Variants in GLIPR1L1 observed in about 807,000 individuals in gnomAD.
The protein encoded by GLIPR1L1 is GLIPR1 like 1.
A neutral mutation model predicts 29.9 loss-of-function variants in GLIPR1L1; 26 were observed. That is an observed-to-expected ratio of 0.87 (90% CI 0.64 to 1.21). GLIPR1L1 has a LOEUF of 1.21. Ranked by LOEUF, GLIPR1L1 falls within the 50% of genes most tolerant of loss-of-function variation. GLIPR1L1 has a pLI of 0.00. For synonymous variants in GLIPR1L1, 77 were observed against 97.5 expected (o/e 0.79, Z 1.24); for missense variants, 305 against 290.3 (o/e 1.05, Z -0.37).
At chr12:75,362,975 G>A in intron 3 of GLIPR1L1, 127 bp from the exon 4 acceptor site, 1 of 515,780 alleles carries the variant, frequency 1.9e-6, no homozygotes, top group Non-Finnish European at 3.5e-6. Context: ...ATAAAATTGA[G>A]ACATTATTAT....
Position 75,363,175 on chromosome 12 carries a change from G to A in GLIPR1L1, c.595G>A (p.Val199Ile), listed in dbSNP as rs747063035. 2.6e-6 allele frequency: 4 copies of A among 1,523,754 alleles called. No homozygotes were observed. The highest frequency in any genetic ancestry group is 2.1e-4 in the Middle Eastern group (1 of 4,742). The allele number at this position is 1,523,754 out of a possible 1,614,324, so 94.4% of individuals were successfully genotyped here. A position where few individuals can be genotyped will look rare whatever the true frequency, so the allele number is the denominator to read the frequency against. The change falls in exon 4 of 6, where the codon GTA (valine) becomes ATA (isoleucine). Residue 199 changes from valine (V) to isoleucine (I), a missense_variant. Physicochemically the swap from Val to Ile is conservative, Grantham distance 29 (BLOSUM62 3). Coordinates refer to ENST00000378695, the MANE Select transcript of GLIPR1L1 (RefSeq NM_001304964.2). Reference protein sequence around the residue: ...CSLCSKEEKCVKNLCRTPQLI... With the variant: ...CSLCSKEEKCIKNLCRTPQLI... ...TCTCTGCTCAAAAGAAGAGAAATGT[G>A]TAAAGAACCTCTGCAGTAAGCAAAA... is the stretch of plus-strand genomic sequence containing the variant.
chr12:75,351,331 G>A (rs956099755), intron 3 of GLIPR1L1, among the ~76,000 whole-genome samples: 1 of 152,074 alleles, frequency 6.6e-6, no homozygotes, highest in African/African-American at 2.4e-5. Flanking sequence ...AGGAAATCCA[G>A]AGAACCCCCG....
chr12:75,354,167 G>GC (rs1491414500), intron 3 of GLIPR1L1, among the ~76,000 whole-genome samples: 2 of 46,294 alleles, frequency 4.3e-5, no homozygotes, highest in African/African-American at 1.3e-4. Context: ...AGAAAAAAAA[G>GC]GGGGGGGGGT....
intron 1 of GLIPR1L1, among the ~76,000 whole-genome samples, chr12:75,340,092 T>A (rs904886348): frequency 5.3e-5 from 8 of 151,700 alleles, no homozygotes; most frequent in African/African-American, 1.9e-4. Flanking sequence ...TGTTCCTTTT[T>A]ATGGCTGAGT....
chr12:75,363,226 G>A (rs572230012), intron 4 of GLIPR1L1, 36 bp downstream of exon 4: 2 of 965,364 alleles, frequency 2.1e-6, no homozygotes, highest in Non-Finnish European at 2.9e-6. Context: ...TACATTTAGA[G>A]AGTAAAGTTT....
chr12:75,367,943 T>C (rs1176134315), intron 4 of GLIPR1L1, among the ~76,000 whole-genome samples: 1 of 152,180 alleles, frequency 6.6e-6, no homozygotes, highest in East Asian at 1.9e-4. Flanking sequence ...TTGGTCCTCA[T>C]AGCCAGGTTA....
At chr12:75,342,999 A>G (rs2042218650) in intron 1 of GLIPR1L1, among the ~76,000 whole-genome samples, 1 of 151,926 alleles carries the variant, frequency 6.6e-6, no homozygotes, top group African/African-American at 2.4e-5. Context: ...CAACTTTGAT[A>G]ACTTCATTTA....
intron 3 of GLIPR1L1, among the ~76,000 whole-genome samples, chr12:75,355,277 T>C (rs1306146169): frequency 6.6e-6 from 1 of 151,840 alleles, no homozygotes; most frequent in Non-Finnish European, 1.5e-5. Context: ...TTAAGTAAAC[T>C]TACAAAACAA....
chr12:75,354,420 A>T (rs527341512), intron 3 of GLIPR1L1, among the ~76,000 whole-genome samples: 1 of 150,768 alleles, frequency 6.6e-6, no homozygotes, highest in Non-Finnish European at 1.5e-5. Context: ...GAATACAGCT[A>T]AAAAAAAAGT....
chr12:75,369,811 A>C, intron 4 of GLIPR1L1, 149 bp from the exon 5 acceptor site: 1 of 1,289,780 alleles, frequency 7.8e-7, no homozygotes, highest in Non-Finnish European at 9.8e-7. Context: ...TAAGTACTGT[A>C]GGATTGAGTA....
At chr12:75,351,015 G>A (rs2042773435) in intron 3 of GLIPR1L1, among the ~76,000 whole-genome samples, 1 of 152,158 alleles carries the variant, frequency 6.6e-6, no homozygotes, top group African/African-American at 2.4e-5. Context: ...TGAACTGATG[G>A]AGCTGTAAAA....
intron 3 of GLIPR1L1, among the ~76,000 whole-genome samples, chr12:75,351,340 C>T (rs1158505575): frequency 1.3e-5 from 2 of 152,062 alleles, no homozygotes; most frequent in Non-Finnish European, 2.9e-5. Context: ...AGAGAACCCC[C>T]GTAAGATACT....
chr12:75,368,462 C>G (rs754161516), intron 4 of GLIPR1L1, among the ~76,000 whole-genome samples: 13 of 151,678 alleles, frequency 8.6e-5, no homozygotes, highest in Admixed American at 1.3e-4. Context: ...CACAGCTACA[C>G]TGTAAAATTT....
chr12:75,341,453 C>A (rs1429243630), intron 1 of GLIPR1L1, among the ~76,000 whole-genome samples: 1 of 151,624 alleles, frequency 6.6e-6, no homozygotes, highest in African/African-American at 2.4e-5. Context: ...TTTTCTTTTT[C>A]TTTTTTTCTT....
intron 2 of GLIPR1L1, among the ~76,000 whole-genome samples, chr12:75,345,769 T>C (rs149707174): frequency 1.4e-3 from 220 of 152,300 alleles, no homozygotes; most frequent in African/African-American, 4.9e-3. Context: ...GGCTGAGTCA[T>C]AGCTTTTATA....
chr12:75,337,324 ATAT>A (rs2041804497), intron 1 of GLIPR1L1, among the ~76,000 whole-genome samples: 2 of 151,862 alleles, frequency 1.3e-5, no homozygotes, highest in Non-Finnish European at 3.0e-5. Flanking sequence ...TTAAAACTAT[ATAT>A]TAATAAAATT....
At chr12:75,366,087 A>G (rs1168522922) in intron 4 of GLIPR1L1, among the ~76,000 whole-genome samples, 1 of 152,294 alleles carries the variant, frequency 6.6e-6, no homozygotes, top group East Asian at 1.9e-4. Context: ...TTTATTTATT[A>G]AAGATTTTAT....
At chr12:75,353,015 T>C (rs989709415) in intron 3 of GLIPR1L1, among the ~76,000 whole-genome samples, 6 of 152,304 alleles carry the variant, frequency 3.9e-5, no homozygotes, top group African/African-American at 9.6e-5. Flanking sequence ...GGGAAATTTA[T>C]AGTGCTAAAT....
In GLIPR1L1 at chr12:75,343,896, T is replaced by G. The variant is rs751785233; in HGVS notation, c.378T>G (p.Phe126Leu). 2 of 1,611,878 alleles carry G rather than the reference T, an allele frequency of 1.2e-6. No homozygotes were observed. Among genetic ancestry groups the G allele is most frequent in the Non-Finnish European group, 1.7e-6 (2 of 1,178,318 alleles). ...ATAATGAAACCCAATTTTATGATTT[T>G]GATAGTCTATCATGCTCCAGAGTCT... is the stretch of plus-strand genomic sequence containing the variant. Reference protein sequence around the residue: ...AWYNETQFYDFDSLSCSRVCG... With the variant: ...AWYNETQFYDLDSLSCSRVCG... The change falls in exon 2 of 6, where the codon TTT (phenylalanine) becomes TTG (leucine). Residue 126 changes from phenylalanine (F) to leucine (L), a missense_variant. By Grantham distance (22) the Phe-to-Leu change is conservative. Transcript: ENST00000378695.
Sources: gnomAD v4.1 joint callset for allele counts (sites outside exome capture counted in the v4.1 genomes callset) on GRCh38, gnomAD v4.1.1 for gene constraint, MANE v1.5 for transcripts, NCBI Gene and HGNC (gene_info 2026-07-23, HGNC 2026-07-21) for gene names.